AKR1B1: variants seen among roughly 807,000 people sequenced by gnomAD.
AKR1B1 encodes aldo-keto reductase family 1 member B, also known as aldo-keto reductase family 1 member B1.
In AKR1B1, 22 loss-of-function variants were observed where a neutral mutation model predicts 40.4. The observed-to-expected ratio is 0.54, with a 90% CI of 0.39 to 0.78. AKR1B1 has a LOEUF of 0.78. Ranked by LOEUF, AKR1B1 falls within the 30% of genes least tolerant of loss-of-function variation. The pLI, the probability that AKR1B1 is intolerant of heterozygous loss-of-function variation, is 0.00. For synonymous variants in AKR1B1, 157 were observed against 149.9 expected (o/e 1.05, Z -0.35); for missense variants, 357 against 396.7 (o/e 0.90, Z 0.85).
At chr7:134,449,969 C>T (rs1020988189) in intron 3 of AKR1B1, among the ~76,000 whole-genome samples, 172 bp from the exon 4 acceptor site, 2 of 152,186 alleles carry the variant, frequency 1.3e-5, no homozygotes, top group Admixed American at 6.5e-5. Flanking sequence ...CTTTATCAAA[C>T]GGGCTGGAGC....
chr7:134,449,382 C>G (rs1044218256), intron 4 of AKR1B1: 55 of 568,998 alleles, frequency 9.7e-5, no homozygotes, highest in African/African-American at 6.0e-4. Context: ...GTCAGGAGAT[C>G]AAGACCATCC....
chr7:134,456,408 C>T (rs1428685388), intron 1 of AKR1B1, among the ~76,000 whole-genome samples: 2 of 152,014 alleles, frequency 1.3e-5, no homozygotes, highest in African/African-American at 4.8e-5. Flanking sequence ...ACCATGTTAG[C>T]CAGGACGGTC....
chr7:134,450,451 C>T (rs113113295), intron 3 of AKR1B1, among the ~76,000 whole-genome samples: 29 of 152,292 alleles, frequency 1.9e-4, no homozygotes, highest in African/African-American at 6.5e-4. Context: ...CCAGGGCTGA[C>T]CGTGCCTCAT....
intron 1 of AKR1B1, among the ~76,000 whole-genome samples, chr7:134,455,508 C>T (rs1437125324): frequency 6.6e-6 from 1 of 152,190 alleles, no homozygotes; most frequent in Non-Finnish European, 1.5e-5. Flanking sequence ...AGTAACAAGA[C>T]ACTGGTGGGC....
chr7:134,455,874 C>T (rs1806454563), intron 1 of AKR1B1, among the ~76,000 whole-genome samples: 1 of 152,174 alleles, frequency 6.6e-6, no homozygotes, highest in South Asian at 2.1e-4. Flanking sequence ...TAATTGTTTA[C>T]TATCCAATGT....
intron 2 of AKR1B1, 155 bp downstream of exon 2, chr7:134,451,431 T>C (rs1336907822): frequency 2.2e-6 from 2 of 916,432 alleles, no homozygotes; most frequent in Non-Finnish European, 3.5e-6. Context: ...GGGCGAGCTC[T>C]GGAGCCCTGT....
At chr7:134,442,952 C>T (rs1450492345) in intron 9 of AKR1B1, among the ~76,000 whole-genome samples, 182 bp from the exon 10 acceptor site, 1 of 152,172 alleles carries the variant, frequency 6.6e-6, no homozygotes, top group Non-Finnish European at 1.5e-5. Flanking sequence ...CCCTCCAGAC[C>T]CCTCTACCAC....
chr7:134,450,754 A>G (rs977267597), intron 3 of AKR1B1, 32 bp downstream of exon 3: 2 of 1,578,248 alleles, frequency 1.3e-6, no homozygotes, highest in Admixed American at 1.7e-5. Context: ...CCTGAGCCCC[A>G]AGGGACCTGG....
intron 3 of AKR1B1, among the ~76,000 whole-genome samples, chr7:134,450,167 A>C (rs945870374): frequency 6.6e-6 from 1 of 152,240 alleles, no homozygotes; most frequent in Non-Finnish European, 1.5e-5. Flanking sequence ...TCAAAAGATA[A>C]AAGTCAAGTC....
rs909121441 is a variant in AKR1B1 at position 134,443,281 on chromosome 7, T to C, written c.909-511A>G. 2.6e-5 allele frequency among the ~76,000 whole-genome samples: 4 copies of C among 152,202 alleles called. No individual in the cohort carries two copies. The East Asian group carries it at 7.7e-4, about 29-fold the overall frequency. On this transcript the variant is annotated intron_variant, in intron 9 of 9. Coordinates refer to ENST00000285930, the MANE Select transcript of AKR1B1 (RefSeq NM_001628.4). ...TTTTTAAATTAACCAGGCATGGTGG[T>C]GCATGCCCATGGCCCCAGCTACTTG...
At chr7:134,458,474 C>G (rs1218937658) in intron 1 of AKR1B1, among the ~76,000 whole-genome samples, 2 of 152,298 alleles carry the variant, frequency 1.3e-5, no homozygotes, top group East Asian at 3.9e-4. Flanking sequence ...ATGCTTATTC[C>G]TCAGGGAGGG....
chr7:134,448,809 ACT>A (rs1806190110), intron 5 of AKR1B1, among the ~76,000 whole-genome samples, 186 bp downstream of exon 5: 1 of 151,872 alleles, frequency 6.6e-6, no homozygotes, highest in African/African-American at 2.4e-5. Flanking sequence ...CCAGGCTCAA[ACT>A]CTTTCTTTCC....
chr7:134,449,482 G>A, intron 4 of AKR1B1: 1 of 583,338 alleles, frequency 1.7e-6, no homozygotes, highest in Non-Finnish European at 3.1e-6. Flanking sequence ...AGCTACTCAG[G>A]AGGCTGAGGC....
chr7:134,446,654 C>T (rs1310204457), intron 8 of AKR1B1, among the ~76,000 whole-genome samples: 1 of 152,056 alleles, frequency 6.6e-6, no homozygotes, highest in African/African-American at 2.4e-5. Context: ...GCCAAGTAGC[C>T]TGAGCTGCTC....
chr7:134,458,752 GCTGCT>G (rs923273810), intron 1 of AKR1B1, among the ~76,000 whole-genome samples: 2 of 152,154 alleles, frequency 1.3e-5, no homozygotes, highest in African/African-American at 4.8e-5. Flanking sequence ...GCTCCCGTGA[GCTGCT>G]CCCAAACCCC....
At chr7:134,451,884 C>T in intron 1 of AKR1B1, 131 bp from the exon 2 acceptor site, 1 of 913,830 alleles carries the variant, frequency 1.1e-6, no homozygotes, top group Non-Finnish European at 1.7e-6. Context: ...ACGTGCACTT[C>T]CTCAGCAGCA....
Position 134,448,378 on chromosome 7 carries a change from GA to G in AKR1B1, c.659+8del, listed in dbSNP as rs1468240435. The G allele has an allele frequency of 5.0e-6, 8 of 1,605,174 alleles. No individual in the cohort carries two copies. The highest frequency in any genetic ancestry group is 6.8e-6 in the Non-Finnish European group (8 of 1,172,352). On this transcript the variant is annotated splice_region_variant and intron_variant, in intron 6 of 9. Transcript: ENST00000285930. Reference sequence around the variant, plus strand: ...GTGACACAGGAGCATGAGCCTGTGGGAAGCTCACCAGGGCCTGTCAGGAGAG... The same window carrying G: ...GTGACACAGGAGCATGAGCCTGTGGGAGCTCACCAGGGCCTGTCAGGAGAG...
intron 1 of AKR1B1, among the ~76,000 whole-genome samples, chr7:134,458,447 C>T (rs1434557912): frequency 6.6e-6 from 1 of 152,174 alleles, no homozygotes; most frequent in Non-Finnish European, 1.5e-5. Context: ...TAATTCTCTG[C>T]CCTCTACCGG....
chr7:134,451,830 A>T, intron 1 of AKR1B1, 77 bp from the exon 2 acceptor site: 1 of 1,513,902 alleles, frequency 6.6e-7, no homozygotes, highest in Non-Finnish European at 9.0e-7. Flanking sequence ...GCAGCCACCG[A>T]TACCTGCTGA....
Sources: allele counts gnomAD v4.1 joint callset (sites outside exome capture counted in the v4.1 genomes callset), GRCh38; gene constraint gnomAD v4.1.1; transcripts MANE v1.5; gene names NCBI Gene and HGNC (gene_info 2026-07-23, HGNC 2026-07-21).